Variants in MACROD2 observed in about 807,000 individuals in gnomAD.
The protein encoded by MACROD2 is mono-ADP ribosylhydrolase 2, also known as ADP-ribose glycohydrolase MACROD2.
Under a neutral mutation model 70.4 loss-of-function variants are expected in MACROD2, and 36 were observed. The observed-to-expected ratio is 0.51, with a 90% CI of 0.39 to 0.68. The LOEUF (loss-of-function observed/expected upper bound fraction) is 0.68, where lower values mean the gene tolerates loss of function less well. Among genes scored for constraint, MACROD2 ranks in the 30% least tolerant of loss-of-function variants. The pLI is 0.00. For synonymous variants in MACROD2, 172 were observed against 178.8 expected, an observed-to-expected ratio of 0.96 and a Z score of 0.30; for missense variants, 496 against 538.4, an observed-to-expected ratio of 0.92 and a Z score of 0.78.
At chr20:15,721,001 G>T (rs567741339) in intron 8 of MACROD2, among the ~76,000 whole-genome samples, 78 of 152,186 alleles carry the variant, frequency 5.1e-4, no homozygotes, top group Non-Finnish European at 9.3e-4. Flanking sequence ...CAGATATTGG[G>T]GGGTTAATTA....
At position 15,652,965 on chromosome 20, in the gene MACROD2, T is replaced by C. The variant is rs187300209; in HGVS notation, c.645+153118T>C. On this transcript the variant is annotated intron_variant, in intron 8 of 17. Coordinates refer to ENST00000684519, the MANE Select transcript of MACROD2 (RefSeq NM_001351661.2). ...CTATAATTATTGCATTATTGTTAAT[T>C]GGCCTGATAATTGCATTATCTCATT... 2.2e-3 allele frequency among the ~76,000 whole-genome samples: 340 copies of C among 152,318 alleles called. 2 individuals carry two copies. Among genetic ancestry groups the C allele is most frequent in the Non-Finnish European group, 3.2e-3 (216 of 68,016 alleles).
chr20:14,538,708 C>T (rs1361380390), intron 4 of MACROD2, among the ~76,000 whole-genome samples: 1 of 152,188 alleles, frequency 6.6e-6, no homozygotes, highest in Non-Finnish European at 1.5e-5. Flanking sequence ...ATTGTCATCT[C>T]ACTGTCCTCT....
chr20:15,656,691 G>C (rs1226437607), intron 8 of MACROD2, among the ~76,000 whole-genome samples: 2 of 152,142 alleles, frequency 1.3e-5, no homozygotes, highest in Non-Finnish European at 2.9e-5. Flanking sequence ...CAGAGCCGGA[G>C]GGAGTTTTTT....
At chr20:14,862,632 T>TATATATAAATATAA (rs2073376577) in intron 5 of MACROD2, among the ~76,000 whole-genome samples, 1 of 7,272 alleles carries the variant, frequency 1.4e-4, no homozygotes, top group East Asian at 5.6e-3. Context: ...TATATATAAA[T>TATATATAAATATAA]ATATATATAA....
At chr20:15,269,560 A>G (rs1377871619) in intron 6 of MACROD2, among the ~76,000 whole-genome samples, 1 of 152,218 alleles carries the variant, frequency 6.6e-6, no homozygotes, top group Non-Finnish European at 1.5e-5. Context: ...GTCAGCAGTG[A>G]ATAGTCAGTG....
chr20:14,252,422 TA>T (rs901742261), intron 3 of MACROD2, among the ~76,000 whole-genome samples: 4 of 152,032 alleles, frequency 2.6e-5, no homozygotes, highest in Non-Finnish European at 5.9e-5. Context: ...TTTCACTGTA[TA>T]AAAACCCCAA....
intron 8 of MACROD2, among the ~76,000 whole-genome samples, chr20:15,746,736 C>T (rs1212725798): frequency 6.6e-6 from 1 of 152,044 alleles, no homozygotes; most frequent in African/African-American, 2.4e-5. Context: ...GTATTAAATA[C>T]ATTTTCTGGA....
chr20:15,006,551 G>A (rs548032303), intron 5 of MACROD2, among the ~76,000 whole-genome samples: 104 of 152,058 alleles, frequency 6.8e-4, no homozygotes, highest in African/African-American at 2.5e-3. Context: ...GCTTGATTGT[G>A]GTAATCATTT....
intron 4 of MACROD2, among the ~76,000 whole-genome samples, chr20:14,616,264 T>C (rs1437334058): frequency 6.6e-6 from 1 of 152,108 alleles, no homozygotes; most frequent in Non-Finnish European, 1.5e-5. Context: ...GACTAATATT[T>C]GTTCTAAAAA....
At chr20:15,779,288 A>G (rs945809683) in intron 8 of MACROD2, among the ~76,000 whole-genome samples, 1 of 152,160 alleles carries the variant, frequency 6.6e-6, no homozygotes, top group African/African-American at 2.4e-5. Context: ...CAGCTACATT[A>G]GAGATGCTCT....
At chr20:14,299,439 T>C (rs1442556231) in intron 3 of MACROD2, among the ~76,000 whole-genome samples, 2 of 152,160 alleles carry the variant, frequency 1.3e-5, no homozygotes, top group African/African-American at 4.8e-5. Context: ...GCATATTCTC[T>C]TTATGGGTGA....
intron 5 of MACROD2, among the ~76,000 whole-genome samples, chr20:15,215,206 G>T (rs1201127991): frequency 3.3e-5 from 5 of 151,018 alleles, no homozygotes; most frequent in Non-Finnish European, 7.4e-5. Context: ...CTAGTTCAAA[G>T]TCATGAAAAT....
chr20:14,201,621 C>T (rs1261174994), intron 3 of MACROD2, among the ~76,000 whole-genome samples: 3 of 151,736 alleles, frequency 2.0e-5, no homozygotes, highest in Non-Finnish European at 4.4e-5. Context: ...GTGGGTGGCT[C>T]ACGAGGTCAG....
chr20:14,422,769 A>G (rs2083889739), intron 3 of MACROD2, among the ~76,000 whole-genome samples: 1 of 152,206 alleles, frequency 6.6e-6, no homozygotes, highest in Non-Finnish European at 1.5e-5. Flanking sequence ...TGTCTTTTAA[A>G]TAATGTGGAA....
chr20:15,157,800 G>A (rs960028130), intron 5 of MACROD2, among the ~76,000 whole-genome samples: 1 of 152,078 alleles, frequency 6.6e-6, no homozygotes, highest in Non-Finnish European at 1.5e-5. Context: ...TGCAGATGCT[G>A]GTTAGTGGTG....
chr20:15,821,328 G>A (rs2063936024), intron 8 of MACROD2, among the ~76,000 whole-genome samples: 1 of 151,386 alleles, frequency 6.6e-6, no homozygotes, highest in African/African-American at 2.4e-5. Context: ...CACTCCGCAG[G>A]ACATATTACA....
intron 3 of MACROD2, among the ~76,000 whole-genome samples, chr20:14,108,657 A>C (rs1472153932): frequency 6.6e-6 from 1 of 152,022 alleles, no homozygotes; most frequent in Non-Finnish European, 1.5e-5. Flanking sequence ...CAAAAGCTGT[A>C]AGATAAAGAA....
chr20:14,436,266 G>C (rs999141380), intron 3 of MACROD2, among the ~76,000 whole-genome samples: 4 of 152,130 alleles, frequency 2.6e-5, no homozygotes, highest in Non-Finnish European at 4.4e-5. Flanking sequence ...GTGATACCAT[G>C]ATGACCCTGA....
intron 6 of MACROD2, among the ~76,000 whole-genome samples, chr20:15,317,428 T>G (rs934084686): frequency 1.3e-5 from 2 of 151,974 alleles, no homozygotes; most frequent in African/African-American, 4.8e-5. Context: ...TTAGTATTAG[T>G]GTTCTCCAGT....
Sources: gnomAD v4.1 joint callset for allele counts (sites outside exome capture counted in the v4.1 genomes callset) on GRCh38, gnomAD v4.1.1 for gene constraint, MANE v1.5 for transcripts, NCBI Gene and HGNC (gene_info 2026-07-23, HGNC 2026-07-21) for gene names.